Variants in COL25A1 observed in about 807,000 individuals in gnomAD.
The protein encoded by COL25A1 is collagen type XXV alpha 1 chain.
In COL25A1, 103 loss-of-function variants were observed where a neutral mutation model predicts 128.4. That is an observed-to-expected ratio of 0.80 (90% CI 0.68 to 0.94). The LOEUF (loss-of-function observed/expected upper bound fraction) is 0.94. Among genes scored for constraint, COL25A1 ranks in the 40% least tolerant of loss-of-function variants. The probability of loss-of-function intolerance (pLI) is 0.00; values close to 1 mark genes in which losing one functional copy is unlikely to be tolerated. For synonymous variants in COL25A1, 279 were observed against 277.2 expected (o/e 1.01, Z -0.06); for missense variants, 745 against 840.0 (o/e 0.89, Z 1.40).
chr4:109,019,373 C>CATATATATAT (rs1271683280), intron 5 of COL25A1, among the ~76,000 whole-genome samples: 1,054 of 31,570 alleles, frequency 0.033, 14 homozygotes, highest in Admixed American at 0.036. Flanking sequence ...CACACACACA[C>CATATATATAT]ACATATATAT....
rs764765659 is a variant in COL25A1, at chr4:109,116,258, T to A, written c.368-66079A>T. 2.4e-4 allele frequency among the ~76,000 whole-genome samples: 36 copies of A among 152,036 alleles called. 1 individual carries two copies. Among genetic ancestry groups the A allele is most frequent in the Non-Finnish European group, 4.7e-4 (32 of 67,966 alleles). On this transcript the variant is annotated intron_variant, in intron 3 of 37. Transcript: ENST00000399132. ...AGACAGTGAATGTCATGCTTTCAGA[T>A]GAAGGAGGGGAAATAAGCCATTTTG...
chr4:109,147,540 G>A (rs1378663438), intron 3 of COL25A1, among the ~76,000 whole-genome samples: 1 of 152,074 alleles, frequency 6.6e-6, no homozygotes, highest in African/African-American at 2.4e-5. Flanking sequence ...ATTAGAGCTG[G>A]GCATGGTGGT....
chr4:109,226,752 A>AT (rs1778824276), intron 3 of COL25A1, among the ~76,000 whole-genome samples: 1 of 152,140 alleles, frequency 6.6e-6, no homozygotes, highest in South Asian at 2.1e-4. Flanking sequence ...TTTAAGGGGG[A>AT]TTTATTTGGG....
At chr4:108,899,023 C>T in intron 15 of COL25A1, 131 bp downstream of exon 15, 1 of 691,418 alleles carries the variant, frequency 1.4e-6, no homozygotes, top group African/African-American at 1.8e-5. Context: ...ACCTACCTAC[C>T]TACCTATTAA....
chr4:108,889,889 T>C (rs566123135), intron 16 of COL25A1, among the ~76,000 whole-genome samples, 156 bp from the exon 17 acceptor site: 2 of 152,176 alleles, frequency 1.3e-5, no homozygotes, highest in Non-Finnish European at 2.9e-5. Flanking sequence ...ACATCTCAGC[T>C]GTTAAGATCT....
At chr4:108,993,639 C>T (rs1217271982) in intron 6 of COL25A1, among the ~76,000 whole-genome samples, 1 of 152,100 alleles carries the variant, frequency 6.6e-6, no homozygotes, top group Non-Finnish European at 1.5e-5. Flanking sequence ...GAGGGTGGAT[C>T]ACCTGAGGTC....
At chr4:109,146,144 C>A (rs1770925523) in intron 3 of COL25A1, among the ~76,000 whole-genome samples, 1 of 152,088 alleles carries the variant, frequency 6.6e-6, no homozygotes, top group Non-Finnish European at 1.5e-5. Context: ...TTTGGAATGA[C>A]TTTTTAAACG....
rs55657985 is a variant in COL25A1, at chr4:108,961,568, CCTGTTCTGTTCTGTTCTGTT to C, written c.492+12779_492+12798del. 1.0e-4 allele frequency among the ~76,000 whole-genome samples: 14 copies of C among 135,490 alleles called. 1 individual carries two copies. The highest frequency in any genetic ancestry group is 7.2e-3 in the Middle Eastern group (2 of 276). The allele number at this position is 135,490 out of a possible 152,430, so 88.9% of individuals were successfully genotyped here. The stretch of plus-strand genomic sequence containing the variant: ...ACTAAGGCACATCTCAGAAGGTTCT[CCTGTTCTGTTCTGTTCTGTT>C]CTGTTCTGTTCTGTTCTGTTCTGTT... On this transcript the variant is annotated intron_variant, in intron 8 of 37. Transcript: ENST00000399132.
At chr4:108,847,473 G>T (rs561594117) in intron 27 of COL25A1, among the ~76,000 whole-genome samples, 3 of 152,090 alleles carry the variant, frequency 2.0e-5, no homozygotes, top group South Asian at 2.1e-4. Flanking sequence ...GTGCCTGAAT[G>T]AATAGATGGA....
intron 8 of COL25A1, among the ~76,000 whole-genome samples, chr4:108,943,990 TTC>T (rs1748441854): frequency 1.3e-5 from 2 of 152,202 alleles, no homozygotes; most frequent in African/African-American, 2.4e-5. Context: ...TTTTATTAGT[TTC>T]ATGAATATTT....
rs555122588 is a variant in COL25A1 at position 108,953,692 on chromosome 4, A to G, written c.493-12255T>C. 1.1e-3 allele frequency among the ~76,000 whole-genome samples: 163 copies of G among 151,690 alleles called. 1 individual carries two copies. The highest frequency in any genetic ancestry group is 3.9e-3 in the African/African-American group (161 of 41,030). ...TCACCTGCTCCATGAGAAACAAGAAATGAAAGTCTTTTTTTAAGAAAAAAT... is the reference window on the plus strand; with the variant it reads ...TCACCTGCTCCATGAGAAACAAGAAGTGAAAGTCTTTTTTTAAGAAAAAAT... On this transcript the variant is annotated intron_variant, in intron 8 of 37. Transcript: ENST00000399132.
chr4:109,063,903 A>G (rs886367736), intron 3 of COL25A1, among the ~76,000 whole-genome samples: 1 of 152,226 alleles, frequency 6.6e-6, no homozygotes, highest in Non-Finnish European at 1.5e-5. Flanking sequence ...GTGTTTTGTG[A>G]GGACTAACCT....
At chr4:109,008,143 A>G (rs1212791770) in intron 6 of COL25A1, among the ~76,000 whole-genome samples, 1 of 152,250 alleles carries the variant, frequency 6.6e-6, no homozygotes, top group Non-Finnish European at 1.5e-5. Context: ...AGACAGTGCT[A>G]GAATACAGGT....
At chr4:109,233,961 G>T (rs1779315707) in intron 3 of COL25A1, among the ~76,000 whole-genome samples, 1 of 152,086 alleles carries the variant, frequency 6.6e-6, no homozygotes, top group Non-Finnish European at 1.5e-5. Flanking sequence ...CAACAGAAGT[G>T]CAACAGAATA....
At chr4:109,014,035 G>A (rs1756969384) in intron 5 of COL25A1, among the ~76,000 whole-genome samples, 1 of 152,164 alleles carries the variant, frequency 6.6e-6, no homozygotes, top group South Asian at 2.1e-4. Context: ...GGCTGGGTGT[G>A]GTGGCTCATG....
At chr4:109,148,799 C>T (rs2126098088) in intron 3 of COL25A1, among the ~76,000 whole-genome samples, 1 of 152,292 alleles carries the variant, frequency 6.6e-6, no homozygotes, top group Admixed American at 6.5e-5. Context: ...GCCCCTCCTC[C>T]AGCCAGGTCT....
intron 4 of COL25A1, among the ~76,000 whole-genome samples, chr4:109,048,606 AT>A (rs1385390596): frequency 2.6e-5 from 4 of 152,170 alleles, no homozygotes; most frequent in African/African-American, 7.2e-5. Context: ...TGTCCTTAGA[AT>A]TTTTTATTCA....
At chr4:109,268,729 G>A (rs1781961901) in intron 3 of COL25A1, among the ~76,000 whole-genome samples, 1 of 152,072 alleles carries the variant, frequency 6.6e-6, no homozygotes. Context: ...GAAACAAATC[G>A]AGATGCCTTG....
At chr4:109,147,817 A>C (rs1238496066) in intron 3 of COL25A1, among the ~76,000 whole-genome samples, 1 of 97,046 alleles carries the variant, frequency 1.0e-5, no homozygotes, top group Non-Finnish European at 2.1e-5. Flanking sequence ...ACTCTGTCTC[A>C]AAAAAAAAAA....
Sources: gnomAD v4.1 joint callset for allele counts (sites outside exome capture counted in the v4.1 genomes callset) on GRCh38, gnomAD v4.1.1 for gene constraint, MANE v1.5 for transcripts, NCBI Gene and HGNC (gene_info 2026-07-23, HGNC 2026-07-21) for gene names.